ZHX2: variants seen among roughly 807,000 people sequenced by gnomAD.
ZHX2 encodes zinc fingers and homeoboxes protein 2.
ZHX2 carries 6 observed loss-of-function variants against 21.9 expected under a neutral mutation model. The observed-to-expected ratio is 0.27, with a 90% confidence interval of 0.15 to 0.54. The LOEUF is 0.54. Ranked by LOEUF, ZHX2 falls within the 20% of genes least tolerant of loss-of-function variation. The pLI is 0.95. For missense variants in ZHX2, 908 were observed against 1,090.7 expected, an observed-to-expected ratio of 0.83 and a Z score of 2.36; for synonymous variants, 434 against 437.1, an observed-to-expected ratio of 0.99 and a Z score of 0.09.
intron 3 of ZHX2, among the ~76,000 whole-genome samples, chr8:122,955,118 T>G (rs1307692528): frequency 6.8e-6 from 1 of 146,748 alleles, no homozygotes; most frequent in Non-Finnish European, 1.5e-5. Context: ...AATGGCCATG[T>G]CATCCCCATA....
chr8:122,897,657 C>T (rs1179323789), intron 2 of ZHX2, among the ~76,000 whole-genome samples: 1 of 151,926 alleles, frequency 6.6e-6, no homozygotes, highest in Non-Finnish European at 1.5e-5. Context: ...CAGAGTATTG[C>T]CTCACATATG....
At chr8:122,924,725 A>G (rs1048383885) in intron 2 of ZHX2, among the ~76,000 whole-genome samples, 1 of 152,214 alleles carries the variant, frequency 6.6e-6, no homozygotes, top group African/African-American at 2.4e-5. Context: ...ACTTTACTGA[A>G]TGAATGATTG....
At chr8:122,817,530 G>A (rs1390142793) in intron 1 of ZHX2, among the ~76,000 whole-genome samples, 1 of 152,234 alleles carries the variant, frequency 6.6e-6, no homozygotes, top group African/African-American at 2.4e-5. Context: ...ATGGGAAAAG[G>A]GGGCTGCAAA....
intron 1 of ZHX2, among the ~76,000 whole-genome samples, chr8:122,808,485 C>T (rs879657080): frequency 3.9e-5 from 6 of 152,170 alleles, no homozygotes; most frequent in Non-Finnish European, 8.8e-5. Flanking sequence ...AGAATTCACT[C>T]ATTATCACTA....
At chr8:122,881,926 C>T (rs979947402) in intron 2 of ZHX2, among the ~76,000 whole-genome samples, 2 of 152,140 alleles carry the variant, frequency 1.3e-5, no homozygotes, top group African/African-American at 4.8e-5. Context: ...AATTTAGTGG[C>T]ACTGTGCACC....
chr8:122,788,773 C>G (rs937086854), intron 1 of ZHX2, among the ~76,000 whole-genome samples: 1 of 152,116 alleles, frequency 6.6e-6, no homozygotes, highest in Non-Finnish European at 1.5e-5. Context: ...GGTTTTAGAT[C>G]GTGCTTTGGG....
intron 1 of ZHX2, among the ~76,000 whole-genome samples, chr8:122,857,510 C>T (rs979861656): frequency 4.6e-5 from 7 of 151,922 alleles, no homozygotes; most frequent in African/African-American, 1.5e-4. Flanking sequence ...TCAGTATTCT[C>T]GTAAATGTCC....
At chr8:122,945,766 T>C (rs1812959984) in intron 2 of ZHX2, among the ~76,000 whole-genome samples, 1 of 152,184 alleles carries the variant, frequency 6.6e-6, no homozygotes, top group African/African-American at 2.4e-5. Flanking sequence ...CAAGTTTGCT[T>C]AGTTCTGACT....
intron 1 of ZHX2, among the ~76,000 whole-genome samples, chr8:122,784,420 A>G (rs750912378): frequency 6.6e-5 from 10 of 152,220 alleles, no homozygotes; most frequent in Admixed American, 1.3e-4. Context: ...GCGACACAGC[A>G]AAAAGCAAAT....
At chr8:122,859,872 A>G (rs938113613) in intron 1 of ZHX2, among the ~76,000 whole-genome samples, 1 of 152,218 alleles carries the variant, frequency 6.6e-6, no homozygotes, top group African/African-American at 2.4e-5. Flanking sequence ...TGGGTACCCA[A>G]TGAATTATTG....
rs1167456982 is a variant in ZHX2, at chr8:122,974,240, G to A, written c.*1003G>A. ...GCCTCACCATGAATTGATTTTTTTT[G>A]TTTGTGTGTGTGTTTGTTTTGGGAC... On this transcript the variant is annotated 3_prime_UTR_variant, in exon 4 of 4. Coordinates refer to ENST00000314393, the MANE Select transcript of ZHX2 (RefSeq NM_014943.5). The A allele has an allele frequency of 6.6e-6, 1 of 152,030 alleles. No individual in the cohort carries two copies. Among genetic ancestry groups the A allele is most frequent in the Non-Finnish European group, 1.5e-5 (1 of 67,894 alleles). The allele number at this position is 152,030 out of a possible 1,614,324, so 9.4% of individuals were successfully genotyped here.
intron 1 of ZHX2, among the ~76,000 whole-genome samples, chr8:122,848,024 G>A (rs1808887416): frequency 6.6e-6 from 1 of 152,194 alleles, no homozygotes; most frequent in South Asian, 2.1e-4. Flanking sequence ...GGTAAATAAA[G>A]GTAGAAAGTC....
Position 122,951,818 on chromosome 8 carries a change from A to G in ZHX2, c.308A>G (p.Asn103Ser), listed in dbSNP as rs779477001. Reference sequence around the variant, plus strand: ...GAGCATGTCGACATGCAGCATCCCAACGTGATTCTCAACCCCCTCTACGTG... The same window carrying G: ...GAGCATGTCGACATGCAGCATCCCAGCGTGATTCTCAACCCCCTCTACGTG... ...FTEHVDMQHP[N>S]VILNPLYVCA... Residue 103 changes from asparagine to serine, a missense_variant, in exon 3 of 4, where the codon AAC (asparagine) becomes AGC (serine). Asn to Ser is a conservative substitution (Grantham distance 46). Coordinates refer to ENST00000314393, the MANE Select transcript of ZHX2 (RefSeq NM_014943.5). 45 of 1,613,946 alleles carry G rather than the reference A, an allele frequency of 2.8e-5. No homozygotes were observed. Among genetic ancestry groups the G allele is most frequent in the Non-Finnish European group, 3.4e-5 (40 of 1,180,010 alleles).
At chr8:122,783,185 C>T (rs1268446991) in intron 1 of ZHX2, among the ~76,000 whole-genome samples, 1 of 152,092 alleles carries the variant, frequency 6.6e-6, no homozygotes, top group East Asian at 1.9e-4. Context: ...TCTCTACCTT[C>T]AACTGTTTCG....
rs569627094 is a variant in ZHX2 at position 122,812,921 on chromosome 8, C to T, written c.-283+30975C>T. Reference sequence around the variant, plus strand: ...TCTAAGAAGTAGGTACTGGGCCAGGCGCAGTGGCTCCCGCCTGTAATCCCA... The same window carrying T: ...TCTAAGAAGTAGGTACTGGGCCAGGTGCAGTGGCTCCCGCCTGTAATCCCA... On this transcript the variant is annotated intron_variant, in intron 1 of 3. Coordinates refer to ENST00000314393, the MANE Select transcript of ZHX2 (RefSeq NM_014943.5). Among the ~76,000 whole-genome samples, 8 of 152,240 alleles carry T rather than the reference C, an allele frequency of 5.3e-5. No individual in the cohort carries two copies. In the South Asian group the frequency reaches 1.7e-3, roughly 32 times the overall value.
At chr8:122,902,094 T>C (rs1178541396) in intron 2 of ZHX2, among the ~76,000 whole-genome samples, 1 of 152,214 alleles carries the variant, frequency 6.6e-6, no homozygotes, top group African/African-American at 2.4e-5. Flanking sequence ...AAACCTACTT[T>C]AGATGAGCTT....
At chr8:122,826,123 A>G (rs1818261594) in intron 1 of ZHX2, among the ~76,000 whole-genome samples, 1 of 152,194 alleles carries the variant, frequency 6.6e-6, no homozygotes, top group Admixed American at 6.5e-5. Context: ...TAGAGGGAAA[A>G]TGGGCCATTA....
intron 2 of ZHX2, among the ~76,000 whole-genome samples, chr8:122,923,101 C>T (rs190101242): frequency 1.3e-5 from 2 of 152,364 alleles, no homozygotes; most frequent in Non-Finnish European, 2.9e-5. Context: ...GGAATCTTCT[C>T]ACATTCCTGG....
intron 3 of ZHX2, among the ~76,000 whole-genome samples, chr8:122,958,396 G>A (rs148727047): frequency 3.3e-5 from 5 of 152,296 alleles, no homozygotes; most frequent in African/African-American, 7.2e-5. Flanking sequence ...ATGAGTCAAC[G>A]TACTTGAGCA....
Sources: allele counts gnomAD v4.1 joint callset (sites outside exome capture counted in the v4.1 genomes callset), GRCh38; gene constraint gnomAD v4.1.1; transcripts MANE v1.5; gene names NCBI Gene and HGNC (gene_info 2026-07-23, HGNC 2026-07-21).